Variants in SLX9 observed in about 807,000 individuals in gnomAD.
SLX9 encodes SLX9 ribosome biogenesis factor, also known as ribosome biogenesis protein SLX9 homolog.
A neutral mutation model predicts 20.8 loss-of-function variants in SLX9; 19 were observed. The ratio of observed to expected loss-of-function variants is 0.91; its 90% CI spans 0.64 to 1.34. SLX9 has a LOEUF of 1.34. Ranked by LOEUF, SLX9 falls within the 40% of genes most tolerant of loss-of-function variation. The pLI is 0.00. For missense variants in SLX9, 299 were observed against 322.2 expected (o/e 0.93, Z 0.55); for synonymous variants, 113 against 137.1 (o/e 0.82, Z 1.23).
chr21:44,940,668 C>A (rs1229594511), intron 1 of SLX9, among the ~76,000 whole-genome samples: 2 of 95,132 alleles, frequency 2.1e-5, no homozygotes, highest in African/African-American at 4.9e-5. Context: ...TTATTGCTTT[C>A]AGGATTTTTT....
At chr21:44,956,574 G>A (rs1326211259) in intron 2 of SLX9, among the ~76,000 whole-genome samples, 5 of 152,220 alleles carry the variant, frequency 3.3e-5, no homozygotes, top group East Asian at 1.9e-4. Context: ...CCCGGCACCC[G>A]AGCCCGAGAT....
intron 1 of SLX9, among the ~76,000 whole-genome samples, 200 bp from the exon 2 acceptor site, chr21:44,943,484 T>C (rs75191173): frequency 0.012 from 1,826 of 152,272 alleles, 17 homozygotes; most frequent in Non-Finnish European, 0.019. Flanking sequence ...GCCTGGGCGC[T>C]GCGGGTCTGC....
chr21:44,947,850 T>G (rs750809886), intron 2 of SLX9, among the ~76,000 whole-genome samples: 42 of 152,224 alleles, frequency 2.8e-4, no homozygotes, highest in Non-Finnish European at 5.7e-4. Flanking sequence ...CCAGCAGGAC[T>G]CAGCTTTGCC....
At position 44,976,594 on chromosome 21, in the gene SLX9, A is replaced by G. The variant is rs1347436142; in HGVS notation, c.570-86A>G. The G allele has an allele frequency of 3.3e-6, 5 of 1,517,468 alleles. No individual in the cohort carries two copies. In the East Asian group the frequency reaches 9.9e-5, roughly 30 times the overall value. 94.0% of individuals were successfully genotyped at this position (1,517,468 alleles called of 1,614,324 possible). ...TGGTGGCCCCAGGCCTCTGCCATTC[A>G]TTTCGGTGTCTGACGTTTCCGGGTG... On this transcript the variant is annotated intron_variant, in intron 5 of 5. Transcript: ENST00000291634.
chr21:44,974,286 G>C (rs1338362866), intron 5 of SLX9, among the ~76,000 whole-genome samples: 1 of 152,196 alleles, frequency 6.6e-6, no homozygotes, highest in African/African-American at 2.4e-5. Context: ...TTCCAGTTGA[G>C]AGTCTGAAGT....
rs769080156 is a variant in SLX9 at position 44,940,079 on chromosome 21, C to G, written c.22C>G (p.Arg8Gly). 5 of 1,457,758 alleles carry G rather than the reference C, an allele frequency of 3.4e-6. No homozygotes were observed. The highest frequency in any genetic ancestry group is 2.9e-5 in the East Asian group (1 of 33,904). The allele number at this position is 1,457,758 out of a possible 1,614,324, so 90.3% of individuals were successfully genotyped here. Residue 8 changes from arginine to glycine, a missense_variant, in exon 1 of 6, where the codon CGC becomes GGC. By Grantham distance (125) the Arg-to-Gly change is moderately radical. Transcript: ENST00000291634. ...GAAGATGGGGAAAGTGAGGGGGTTG[C>G]GCGCCCGAGTGCACCAGGCTGCCGT... MGKVRGL[R>G]ARVHQAAVRP... is the part of the protein sequence containing the mutation.
intron 5 of SLX9, among the ~76,000 whole-genome samples, chr21:44,976,303 C>G (rs1288269626): frequency 3.3e-5 from 5 of 151,818 alleles, no homozygotes; most frequent in Middle Eastern, 3.2e-3. Context: ...TCTCGGCTCT[C>G]CTCTGTGTGC....
intron 4 of SLX9, among the ~76,000 whole-genome samples, chr21:44,971,011 G>C (rs958455506): frequency 6.6e-6 from 1 of 152,226 alleles, no homozygotes; most frequent in African/African-American, 2.4e-5. Context: ...TGGGGTCCAC[G>C]TCACTCCTGG....
chr21:44,950,627 G>A (rs116130639), intron 2 of SLX9, among the ~76,000 whole-genome samples: 1,699 of 152,362 alleles, frequency 0.011, 34 homozygotes, highest in African/African-American at 0.038. Flanking sequence ...TGTGGCCTAT[G>A]CCAGTCCGGC....
At chr21:44,966,514 G>A (rs1313907565) in intron 3 of SLX9, among the ~76,000 whole-genome samples, 1 of 152,158 alleles carries the variant, frequency 6.6e-6, no homozygotes, top group Non-Finnish European at 1.5e-5. Flanking sequence ...TCCAGACCCT[G>A]CCCAAATCCC....
intron 2 of SLX9, among the ~76,000 whole-genome samples, chr21:44,949,285 G>A (rs2084707870): frequency 1.3e-5 from 2 of 152,134 alleles, no homozygotes; most frequent in South Asian, 4.1e-4. Context: ...GGCTGCTCCT[G>A]ATCAGGGAGT....
At chr21:44,969,470 G>T (rs1207345392) in intron 4 of SLX9, among the ~76,000 whole-genome samples, 1 of 152,210 alleles carries the variant, frequency 6.6e-6, no homozygotes, top group African/African-American at 2.4e-5. Context: ...CTCTGGGCCG[G>T]GAAGGCACAT....
chr21:44,952,314 A>G (rs1425300290), intron 2 of SLX9, among the ~76,000 whole-genome samples: 1 of 152,264 alleles, frequency 6.6e-6, no homozygotes, highest in African/African-American at 2.4e-5. Flanking sequence ...TCTATTTGCC[A>G]GACAGCAATC....
chr21:44,939,816 C>A (rs2084504447), upstream of SLX9: 1 of 551,598 alleles, frequency 1.8e-6, no homozygotes, highest in Non-Finnish European at 3.3e-6. Flanking sequence ...TAGACAGAAA[C>A]TCGTTGTTTC....
intron 1 of SLX9, among the ~76,000 whole-genome samples, chr21:44,942,090 T>G (rs1207205450): frequency 1.3e-5 from 2 of 152,226 alleles, no homozygotes; most frequent in African/African-American, 4.8e-5. Flanking sequence ...GCCAGCATTT[T>G]TTTATTAAGC....
chr21:44,966,910 AC>A (rs2085046126), intron 3 of SLX9, 123 bp from the exon 4 acceptor site: 3 of 1,271,464 alleles, frequency 2.4e-6, no homozygotes, highest in Admixed American at 2.1e-5. Context: ...AATGGGGGTG[AC>A]AGCGGGAAGG....
intron 2 of SLX9, among the ~76,000 whole-genome samples, chr21:44,955,768 A>G (rs8130143): frequency 0.079 from 11,984 of 152,274 alleles, 1,527 homozygotes; most frequent in African/African-American, 0.27. Flanking sequence ...CGGCTGCTGA[A>G]GTTTTGTTGT....
chr21:44,949,998 G>C (rs1269766538), intron 2 of SLX9, among the ~76,000 whole-genome samples: 2 of 152,212 alleles, frequency 1.3e-5, no homozygotes, highest in Non-Finnish European at 2.9e-5. Context: ...TCCCGGGATA[G>C]AGACGCAGGC....
rs146942728 is a variant in SLX9 at position 44,960,116 on chromosome 21, C to T, written c.300C>T (p.Thr100=). ...PSIRRGAEAK[T]VLPKKEKMKL... is the part of the protein sequence containing the mutation. ...TTTCCTCAGGTGCAGAGGCCAAGAC[C>T]GTTTTGCCCAAGAAGGAGAAAATGA... Residue 100 remains threonine (T), a synonymous_variant, in exon 3 of 6, where the codon ACC becomes ACT. Transcript: ENST00000291634. 1.5e-5 allele frequency: 25 copies of T among 1,614,096 alleles called. No homozygotes were observed. In the South Asian group the frequency reaches 1.9e-4, roughly 12 times the overall value.
Sources: allele counts gnomAD v4.1 joint callset (sites outside exome capture counted in the v4.1 genomes callset), GRCh38; gene constraint gnomAD v4.1.1; transcripts MANE v1.5; gene names NCBI Gene and HGNC (gene_info 2026-07-23, HGNC 2026-07-21).